The following CADM2 variants were observed in gnomAD, a reference collection of about 807,000 sequenced individuals.
CADM2 encodes cell adhesion molecule 2.
In CADM2, 12 loss-of-function variants were observed where a neutral mutation model predicts 49.8. That is an observed-to-expected ratio of 0.24 (90% confidence interval 0.15 to 0.39). CADM2 has a LOEUF of 0.39. Among genes scored for constraint, CADM2 ranks in the 10% least tolerant of loss-of-function variants. The pLI is 1.00. For synonymous variants in CADM2, 214 were observed against 175.4 expected (o/e 1.22, Z -1.74); for missense variants, 378 against 492.3 (o/e 0.77, Z 2.20).
At chr3:85,150,652 C>T (rs1469038768) in intron 1 of CADM2, among the ~76,000 whole-genome samples, 2 of 151,954 alleles carry the variant, frequency 1.3e-5, no homozygotes, top group Non-Finnish European at 2.9e-5. Context: ...CGCCTATAAT[C>T]TCAGCACTTT....
At chr3:86,021,786 A>G (rs1194151715) in intron 8 of CADM2, among the ~76,000 whole-genome samples, 4 of 152,210 alleles carry the variant, frequency 2.6e-5, no homozygotes, top group Non-Finnish European at 4.4e-5. Flanking sequence ...ATTCAACTAT[A>G]CAAAGATAGA....
At chr3:85,727,092 T>G (rs2067731603) in intron 2 of CADM2, among the ~76,000 whole-genome samples, 1 of 152,046 alleles carries the variant, frequency 6.6e-6, no homozygotes, top group Non-Finnish European at 1.5e-5. Flanking sequence ...ACGCTGAAAA[T>G]AAAGAAAAAG....
At chr3:85,230,785 G>T (rs1553698711) in intron 1 of CADM2, among the ~76,000 whole-genome samples, 1 of 152,024 alleles carries the variant, frequency 6.6e-6, no homozygotes, top group Non-Finnish European at 1.5e-5. Context: ...TTTTTTGTGT[G>T]TTTGTTTTCT....
intron 1 of CADM2, among the ~76,000 whole-genome samples, chr3:85,038,441 T>A (rs2107353537): frequency 6.6e-6 from 1 of 152,340 alleles, no homozygotes; most frequent in South Asian, 2.1e-4. Context: ...GCTATGGGTC[T>A]CAAGGGATAA....
intron 1 of CADM2, among the ~76,000 whole-genome samples, chr3:85,483,890 G>A (rs1209582412): frequency 6.6e-6 from 1 of 151,178 alleles, no homozygotes; most frequent in South Asian, 2.1e-4. Flanking sequence ...GGCAATTTTT[G>A]TCTCAAAAAA....
rs950710571 is a variant in CADM2 at position 84,959,301 on chromosome 3, G to C, written c.-307G>C. On this transcript the variant is annotated 5_prime_UTR_variant, in exon 1 of 10. Transcript: ENST00000383699. ...GCAGCCCCGGCGGGCTCTGGGACTT[G>C]CTGTGCGCGCCGAGAGGAAGGCAAG... 10 of 503,852 alleles carry C rather than the reference G, an allele frequency of 2.0e-5. No homozygotes were observed. Among genetic ancestry groups the C allele is most frequent in the African/African-American group, 2.0e-4 (10 of 50,598 alleles). 31.2% of individuals were successfully genotyped at this position (503,852 alleles called of 1,614,324 possible). A position where few individuals can be genotyped will look rare whatever the true frequency, so the allele number is the denominator to read the frequency against.
intron 3 of CADM2, among the ~76,000 whole-genome samples, chr3:85,870,541 T>C (rs917327438): frequency 1.3e-5 from 2 of 152,196 alleles, no homozygotes; most frequent in African/African-American, 2.4e-5. Context: ...CTAAGGATGA[T>C]AGCCTTCAAC....
At chr3:85,548,621 A>G (rs2107099285) in intron 1 of CADM2, among the ~76,000 whole-genome samples, 1 of 152,312 alleles carries the variant, frequency 6.6e-6, no homozygotes, top group South Asian at 2.1e-4. Context: ...GAAGGCCCAA[A>G]TTAGAAGTAA....
At chr3:85,205,894 A>G (rs905062217) in intron 1 of CADM2, among the ~76,000 whole-genome samples, 8 of 152,188 alleles carry the variant, frequency 5.3e-5, no homozygotes, top group African/African-American at 1.9e-4. Context: ...TCCATAGTAT[A>G]TAATTTTCTC....
rs367637567 is a variant in CADM2 at position 85,673,871 on chromosome 3, A to G, written c.62-52651A>G. ...CTAAATCAGAAATTCTCAGTATTAT[A>G]TTTGAATTAAGACATTTGTATTAGG... On this transcript the variant is annotated intron_variant, in intron 1 of 9. Transcript: ENST00000383699. Among the ~76,000 whole-genome samples the G allele has an allele frequency of 8.1e-4, 123 of 152,332 alleles. 2 individuals carry two copies. In the South Asian group the frequency reaches 0.025, roughly 31 times the overall value.
intron 1 of CADM2, among the ~76,000 whole-genome samples, chr3:85,669,888 C>T (rs1176368689): frequency 6.6e-6 from 1 of 151,766 alleles, no homozygotes; most frequent in Admixed American, 6.6e-5. Flanking sequence ...GTCGTTAAAC[C>T]CTAGACCCTT....
chr3:85,260,482 T>C (rs2042992057), intron 1 of CADM2, among the ~76,000 whole-genome samples: 1 of 152,120 alleles, frequency 6.6e-6, no homozygotes. Flanking sequence ...TAAACAAATG[T>C]CTGGCATGAT....
chr3:85,861,021 A>G (rs955041531), intron 3 of CADM2, among the ~76,000 whole-genome samples: 3 of 152,184 alleles, frequency 2.0e-5, no homozygotes, highest in Non-Finnish European at 2.9e-5. Context: ...GGGAAGAAAG[A>G]GGCAAATTGT....
At chr3:85,348,297 A>G (rs1165125773) in intron 1 of CADM2, among the ~76,000 whole-genome samples, 1 of 152,158 alleles carries the variant, frequency 6.6e-6, no homozygotes, top group African/African-American at 2.4e-5. Context: ...TGATTAGATG[A>G]GGCTCACCTG....
At chr3:85,421,453 A>G (rs928243281) in intron 1 of CADM2, among the ~76,000 whole-genome samples, 3 of 152,202 alleles carry the variant, frequency 2.0e-5, no homozygotes, top group Non-Finnish European at 2.9e-5. Context: ...ATGCAGAAGA[A>G]TCAGTTTTCA....
At chr3:85,892,140 C>A (rs1445541745) in intron 5 of CADM2, among the ~76,000 whole-genome samples, 2 of 152,146 alleles carry the variant, frequency 1.3e-5, no homozygotes, top group Admixed American at 6.6e-5. Flanking sequence ...GCATTGCAAG[C>A]AAGAGCTGGT....
At chr3:85,373,155 C>T (rs949829009) in intron 1 of CADM2, among the ~76,000 whole-genome samples, 25 of 152,058 alleles carry the variant, frequency 1.6e-4, no homozygotes, top group Non-Finnish European at 1.5e-5. Context: ...TACAAGGCAA[C>T]TAATGAGCGT....
intron 1 of CADM2, among the ~76,000 whole-genome samples, chr3:85,544,596 T>TA (rs765891086): frequency 4.0e-5 from 6 of 150,950 alleles, no homozygotes; most frequent in African/African-American, 7.3e-5. Context: ...AAATAAAAAA[T>TA]AAAAAAAAGA....
intron 1 of CADM2, among the ~76,000 whole-genome samples, chr3:85,030,244 C>T (rs947706491): frequency 6.6e-6 from 1 of 152,146 alleles, no homozygotes; most frequent in African/African-American, 2.4e-5. Context: ...CACAACCTTT[C>T]CTATGTTAAT....
Sources: gnomAD v4.1 joint callset for allele counts (sites outside exome capture counted in the v4.1 genomes callset) on GRCh38, gnomAD v4.1.1 for gene constraint, MANE v1.5 for transcripts, NCBI Gene and HGNC (gene_info 2026-07-23, HGNC 2026-07-21) for gene names.